Variants in ARHGEF33 observed in about 807,000 individuals in gnomAD.
ARHGEF33 encodes the protein Rho guanine nucleotide exchange factor 33, also known as DH and coiled-coil domain-containing protein ENSP00000381780.
Under a neutral mutation model 101.9 loss-of-function variants are expected in ARHGEF33, and 72 were observed. The observed-to-expected ratio is 0.71, with a 90% CI of 0.58 to 0.86. The LOEUF (loss-of-function observed/expected upper bound fraction) is 0.86, where lower values mean the gene tolerates loss of function less well. Ranked by LOEUF, ARHGEF33 falls within the 40% of genes least tolerant of loss-of-function variation. The pLI is 0.00. For missense variants in ARHGEF33, 1,169 were observed against 1,111.3 expected (o/e 1.05, Z -0.74); for synonymous variants, 499 against 442.5 (o/e 1.13, Z -1.60).
intron 5 of ARHGEF33, 129 bp downstream of exon 5, chr2:38,929,200 G>GTGGA: frequency 1.6e-6 from 1 of 609,266 alleles, no homozygotes; most frequent in Non-Finnish European, 2.8e-6. Context: ...GGAGGCCGAG[G>GTGGA]CAGGTAGATC....
chr2:38,938,580 T>C (rs1667216437), intron 9 of ARHGEF33, among the ~76,000 whole-genome samples: 1 of 152,198 alleles, frequency 6.6e-6, no homozygotes. Flanking sequence ...ACTAATACTT[T>C]ATTGAAGGTG....
chr2:38,965,196 G>GT (rs1437451611), intron 16 of ARHGEF33, among the ~76,000 whole-genome samples: 1 of 152,154 alleles, frequency 6.6e-6, no homozygotes, highest in African/African-American at 2.4e-5. Flanking sequence ...TTCAGCAGCT[G>GT]TTTTTAAAGT....
chr2:38,935,710 C>A, intron 7 of ARHGEF33, 65 bp from the exon 8 acceptor site: 1 of 1,346,512 alleles, frequency 7.4e-7, no homozygotes, highest in South Asian at 1.3e-5. Flanking sequence ...GTGCCAGGCT[C>A]GTGGAAGGTG....
chr2:38,937,888 A>C (rs1016252586), intron 9 of ARHGEF33, among the ~76,000 whole-genome samples: 1 of 152,160 alleles, frequency 6.6e-6, no homozygotes, highest in African/African-American at 2.4e-5. Context: ...GCCTTTCATC[A>C]ACAGTCTACC....
At chr2:38,909,511 G>A (rs1055901946) in intron 2 of ARHGEF33, among the ~76,000 whole-genome samples, 8 of 56,960 alleles carry the variant, frequency 1.4e-4, no homozygotes, top group African/African-American at 5.3e-4. Flanking sequence ...TTTTTTTTTT[G>A]TATTTTTTGT....
intron 2 of ARHGEF33, among the ~76,000 whole-genome samples, chr2:38,902,300 G>C (rs1218641441): frequency 6.6e-6 from 1 of 152,112 alleles, no homozygotes; most frequent in Non-Finnish European, 1.5e-5. Context: ...TGATATATTT[G>C]GGCAAGGCAT....
intron 10 of ARHGEF33, among the ~76,000 whole-genome samples, chr2:38,944,876 G>GGGGTGTGT (rs1553343310): frequency 2.7e-5 from 4 of 145,648 alleles, no homozygotes; most frequent in African/African-American, 1.0e-4. Context: ...GTAATGCATG[G>GGGGTGTGT]GTGTGTGTGT....
chr2:38,933,485 G>A (rs991911029), intron 7 of ARHGEF33, among the ~76,000 whole-genome samples: 3 of 151,952 alleles, frequency 2.0e-5, no homozygotes, highest in Admixed American at 2.0e-4. Context: ...CTGGGTTCAA[G>A]CAGTTCTCCA....
chr2:38,944,506 T>A (rs1224652530), intron 10 of ARHGEF33, among the ~76,000 whole-genome samples: 1 of 151,984 alleles, frequency 6.6e-6, no homozygotes, highest in African/African-American at 2.4e-5. Context: ...GCATTGGGGG[T>A]TAAGTTTCCA....
intron 1 of ARHGEF33, 144 bp from the exon 2 acceptor site, chr2:38,895,633 T>C (rs1391665541): frequency 5.9e-5 from 9 of 152,180 alleles, no homozygotes. Flanking sequence ...ACTTTATATG[T>C]TTTTTACCTA....
chr2:38,938,585 A>C (rs2124395163), intron 9 of ARHGEF33, among the ~76,000 whole-genome samples: 1 of 152,344 alleles, frequency 6.6e-6, no homozygotes, highest in African/African-American at 2.4e-5. Flanking sequence ...TACTTTATTG[A>C]AGGTGAATTT....
Position 38,959,824 on chromosome 2 carries a change from C to G in ARHGEF33, c.1536-17C>G, listed in dbSNP as rs1429893343. ...GCCGTAAGCACAGCTCTTTTGTACTCTGTTTTCCCCCTAAAGACATCTGAT... is the reference window on the plus strand; with the variant it reads ...GCCGTAAGCACAGCTCTTTTGTACTGTGTTTTCCCCCTAAAGACATCTGAT... On this transcript the variant is annotated splice_polypyrimidine_tract_variant and intron_variant, in intron 15 of 17. Transcript: ENST00000409978. 5 of 1,529,008 alleles carry G rather than the reference C, an allele frequency of 3.3e-6. No individual in the cohort carries two copies. The Admixed American group carries it at 8.1e-5, about 25-fold the overall frequency. The allele number at this position is 1,529,008 out of a possible 1,614,324, so 94.7% of individuals were successfully genotyped here.
At chr2:38,950,240 T>G (rs925058999) in intron 10 of ARHGEF33, among the ~76,000 whole-genome samples, 2 of 152,192 alleles carry the variant, frequency 1.3e-5, no homozygotes, top group African/African-American at 4.8e-5. Context: ...CTTACCTAAA[T>G]AGCAGTCTCC....
chr2:38,951,185 T>G, intron 11 of ARHGEF33, 64 bp downstream of exon 11: 1 of 1,469,168 alleles, frequency 6.8e-7, no homozygotes, highest in Non-Finnish European at 9.3e-7. Context: ...TTTGTCTACT[T>G]CTCTTAATAG....
chr2:38,909,329 A>G (rs1210770162), intron 2 of ARHGEF33, among the ~76,000 whole-genome samples: 1 of 151,856 alleles, frequency 6.6e-6, no homozygotes, highest in South Asian at 2.1e-4. Context: ...CATTAAAAAA[A>G]ATTTTTTTTT....
chr2:38,892,051 G>C (rs901965649), intron 1 of ARHGEF33, among the ~76,000 whole-genome samples: 1 of 152,246 alleles, frequency 6.6e-6, no homozygotes, highest in Admixed American at 6.5e-5. Context: ...ACATCTGTTT[G>C]AGTCTTCCTA....
In ARHGEF33 at chr2:38,931,243, A is replaced by G. The variant is rs774161538; in HGVS notation, c.497A>G (p.Tyr166Cys). Residue 166 changes from tyrosine to cysteine, a missense_variant, in exon 7 of 18, where the codon TAC (tyrosine) becomes TGC (cysteine). Tyr to Cys is a radical substitution (Grantham distance 194). Transcript: ENST00000409978. ...DFTNLLPSQA[Y>C]EKAQESRSVH... ...ACCAACCTTTTGCCTTCTCAGGCCT[A>G]CGAGAAAGGTACAGTTCACAAATCA... The G allele has an allele frequency of 6.5e-7, 1 of 1,546,284 alleles. No homozygotes were observed. The highest frequency in any genetic ancestry group is 1.2e-5 in the South Asian group (1 of 83,046).
At chr2:38,965,601 A>G (rs920561525) in intron 16 of ARHGEF33, among the ~76,000 whole-genome samples, 1 of 152,210 alleles carries the variant, frequency 6.6e-6, no homozygotes, top group Non-Finnish European at 1.5e-5. Flanking sequence ...AAAGAGAAAC[A>G]CCTGGAGATA....
chr2:38,944,535 A>G (rs1411843874), intron 10 of ARHGEF33, among the ~76,000 whole-genome samples: 2 of 152,102 alleles, frequency 1.3e-5, no homozygotes, highest in African/African-American at 4.8e-5. Flanking sequence ...ATTTTGGGGG[A>G]CACATTTAGA....
Sources: allele counts gnomAD v4.1 joint callset (sites outside exome capture counted in the v4.1 genomes callset), GRCh38; gene constraint gnomAD v4.1.1; transcripts MANE v1.5; gene names NCBI Gene and HGNC (gene_info 2026-07-23, HGNC 2026-07-21).